Variants in ACAD11 observed in about 807,000 individuals in gnomAD.
ACAD11 encodes acyl-CoA dehydrogenase family member 11.
A neutral mutation model predicts 102.2 loss-of-function variants in ACAD11; 83 were observed. The observed-to-expected ratio is 0.81, with a 90% CI of 0.68 to 0.97. The LOEUF is 0.97. ACAD11 is among the 50% of genes least tolerant of loss of function. The pLI is 0.00. For synonymous variants in ACAD11, 324 were observed against 319.8 expected (o/e 1.01, Z -0.14); for missense variants, 901 against 951.7 (o/e 0.95, Z 0.70).
In ACAD11 at chr3:132,575,836, G is replaced by C. The variant is rs36121581; in HGVS notation, c.1937C>G (p.Ala646Gly). The change falls in exon 17 of 20, where the codon GCT (alanine) becomes GGT (glycine). Residue 646 changes from alanine to glycine, a missense_variant. Ala to Gly is a moderately conservative substitution (Grantham distance 60). Coordinates refer to ENST00000264990, the MANE Select transcript of ACAD11 (RefSeq NM_032169.5). ...CMRTVGLAERALQIMCERATQ... is the reference protein window; with the variant it reads ...CMRTVGLAERGLQIMCERATQ... ...TGCCCGCTCACACATGATCTGCAAA[G>C]CGCGTTCCGCCAAACCTACTGTTCT... is the stretch of plus-strand genomic sequence containing the variant. 200 of 1,613,928 alleles carry C rather than the reference G, an allele frequency of 1.2e-4. No homozygotes were observed. In the Admixed American group the frequency reaches 3.3e-3, roughly 27 times the overall value.
chr3:132,574,625 T>C (rs1258115245), intron 17 of ACAD11, among the ~76,000 whole-genome samples: 2 of 152,182 alleles, frequency 1.3e-5, no homozygotes, highest in South Asian at 2.1e-4. Flanking sequence ...AAAATATACA[T>C]GTGCAGCAAA....
intron 11 of ACAD11, among the ~76,000 whole-genome samples, chr3:132,611,981 A>G (rs1370837152): frequency 2.0e-5 from 3 of 152,040 alleles, no homozygotes; most frequent in Non-Finnish European, 4.4e-5. Flanking sequence ...ACTACACTAC[A>G]AGGCTACAGT....
At chr3:132,592,824 C>G (rs1442633558) in intron 13 of ACAD11, among the ~76,000 whole-genome samples, 1 of 152,000 alleles carries the variant, frequency 6.6e-6, no homozygotes, top group East Asian at 1.9e-4. Flanking sequence ...GTTCATTGTA[C>G]AATCCCACAG....
At chr3:132,634,572 G>C (rs71315653) in intron 5 of ACAD11, among the ~76,000 whole-genome samples, 2,047 of 151,566 alleles carry the variant, frequency 0.014, 28 homozygotes, top group Non-Finnish European at 0.019. Context: ...ACCCAAAGGA[G>C]TATAAATCAT....
intron 13 of ACAD11, among the ~76,000 whole-genome samples, chr3:132,596,846 A>C (rs1241677963): frequency 6.6e-6 from 1 of 152,218 alleles, no homozygotes; most frequent in Non-Finnish European, 1.5e-5. Flanking sequence ...CCTAATGATT[A>C]CTTATAATTT....
intron 9 of ACAD11, among the ~76,000 whole-genome samples, chr3:132,623,192 T>C (rs1576598851): frequency 1.3e-5 from 2 of 152,146 alleles, no homozygotes; most frequent in South Asian, 2.1e-4. Flanking sequence ...TTTCTCACTA[T>C]AGAAAATTTG....
intron 11 of ACAD11, 46 bp from the exon 12 acceptor site, chr3:132,605,251 A>C: frequency 6.9e-7 from 1 of 1,445,878 alleles, no homozygotes; most frequent in East Asian, 2.3e-5. Flanking sequence ...AAAATTTATC[A>C]GTATGAAATC....
At chr3:132,647,734 A>G (rs74504809) in intron 1 of ACAD11, among the ~76,000 whole-genome samples, 4,352 of 152,254 alleles carry the variant, frequency 0.029, 220 homozygotes, top group African/African-American at 0.1. Context: ...GTCTTAGTCT[A>G]TTTAGGCTGG....
At chr3:132,559,986 T>C (rs1576540534) in intron 18 of ACAD11, 44 bp from the exon 19 acceptor site, 5 of 1,472,660 alleles carry the variant, frequency 3.4e-6, no homozygotes, top group Non-Finnish European at 4.7e-6. Context: ...TCTTAGACTA[T>C]ACACAATGTG....
chr3:132,568,345 C>G (rs1937271240), intron 17 of ACAD11, among the ~76,000 whole-genome samples: 2 of 152,252 alleles, frequency 1.3e-5, no homozygotes, highest in East Asian at 1.9e-4. Context: ...GACTTGTATG[C>G]TGAAAACTAC....
chr3:132,653,654 T>C (rs1168848294), intron 1 of ACAD11, among the ~76,000 whole-genome samples: 3 of 152,222 alleles, frequency 2.0e-5, no homozygotes, highest in Non-Finnish European at 2.9e-5. Flanking sequence ...TTACACGTCC[T>C]CCTCCTATCT....
intron 9 of ACAD11, among the ~76,000 whole-genome samples, chr3:132,623,272 A>C (rs567972117): frequency 6.6e-6 from 1 of 152,288 alleles, no homozygotes; most frequent in East Asian, 1.9e-4. Context: ...CTGTTAAAGT[A>C]TTGTATTATA....
intron 9 of ACAD11, among the ~76,000 whole-genome samples, chr3:132,625,604 T>C (rs1939779372): frequency 6.6e-6 from 1 of 151,900 alleles, no homozygotes; most frequent in South Asian, 2.1e-4. Context: ...CTTTAAGTAG[T>C]ATTTTTTAAA....
chr3:132,608,893 A>G (rs991668028), intron 11 of ACAD11, among the ~76,000 whole-genome samples: 13 of 152,160 alleles, frequency 8.5e-5, no homozygotes, highest in African/African-American at 3.1e-4. Context: ...AATTGGATGT[A>G]AAACACTCCT....
In ACAD11 at chr3:132,594,380, T is replaced by C. The variant is rs538412314; in HGVS notation, c.1621+8849A>G. ...GATGGCATCATAAAATAAAGAGATATAAGAGATAAGATGATAAAATAGACT... is the reference window on the plus strand; with the variant it reads ...GATGGCATCATAAAATAAAGAGATACAAGAGATAAGATGATAAAATAGACT... On this transcript the variant is annotated intron_variant, in intron 13 of 19. Coordinates refer to ENST00000264990, the MANE Select transcript of ACAD11 (RefSeq NM_032169.5). Among the ~76,000 whole-genome samples the C allele has an allele frequency of 1.4e-4, 22 of 152,184 alleles. No individual in the cohort carries two copies. The South Asian group carries it at 4.6e-3, about 32-fold the overall frequency.
chr3:132,655,731 T>C (rs1937756417), intron 1 of ACAD11, among the ~76,000 whole-genome samples: 1 of 152,212 alleles, frequency 6.6e-6, no homozygotes, highest in African/African-American at 2.4e-5. Context: ...CTTCTACAAA[T>C]ACAATGGAAG....
chr3:132,566,296 C>CAA (rs371477145), intron 17 of ACAD11, among the ~76,000 whole-genome samples: 6,349 of 61,746 alleles, frequency 0.1, 797 homozygotes, highest in African/African-American at 0.26. Flanking sequence ...AAAACAAACT[C>CAA]AAAAAAACAA....
chr3:132,610,339 A>G (rs1429575775), intron 11 of ACAD11, among the ~76,000 whole-genome samples: 2 of 152,186 alleles, frequency 1.3e-5, no homozygotes, highest in African/African-American at 4.8e-5. Flanking sequence ...AAACACATTC[A>G]AAAGCTAGCA....
At chr3:132,564,629 AC>A in intron 17 of ACAD11, among the ~76,000 whole-genome samples, 1 of 152,142 alleles carries the variant, frequency 6.6e-6, no homozygotes, top group South Asian at 2.1e-4. Context: ...TTGGCTCCAG[AC>A]CCCATTCTCC....
Sources: allele counts gnomAD v4.1 joint callset (sites outside exome capture counted in the v4.1 genomes callset), GRCh38; gene constraint gnomAD v4.1.1; transcripts MANE v1.5; gene names NCBI Gene and HGNC (gene_info 2026-07-23, HGNC 2026-07-21).